Variants in RIMBP2 observed in about 807,000 individuals in gnomAD.
The protein encoded by RIMBP2 is RIMS binding protein 2, also known as RIMS-binding protein 2.
RIMBP2 carries 48 observed loss-of-function variants against 118.6 expected under a neutral mutation model. The ratio of observed to expected loss-of-function variants is 0.40; its 90% CI spans 0.32 to 0.51. RIMBP2 has a LOEUF of 0.51. Among genes scored for constraint, RIMBP2 ranks in the 20% least tolerant of loss-of-function variants. RIMBP2 has a pLI of 0.41. For missense variants in RIMBP2, 1,551 were observed against 1,768.3 expected (o/e 0.88, Z 2.20); for synonymous variants, 762 against 742.9 (o/e 1.03, Z -0.42).
At chr12:130,413,928 G>A (rs933846221) in intron 18 of RIMBP2, among the ~76,000 whole-genome samples, 197 bp downstream of exon 18, 13 of 152,190 alleles carry the variant, frequency 8.5e-5, no homozygotes. Flanking sequence ...ACACAAACCG[G>A]GCAGATGCTG....
chr12:130,605,889 C>A (rs932497613), intron 2 of RIMBP2, among the ~76,000 whole-genome samples: 2 of 152,046 alleles, frequency 1.3e-5, no homozygotes, highest in African/African-American at 4.8e-5. Context: ...CGTGGTAAAA[C>A]CCCATCTCTA....
intron 2 of RIMBP2, among the ~76,000 whole-genome samples, chr12:130,585,867 G>GC (rs1047988605): frequency 4.6e-5 from 7 of 152,196 alleles, no homozygotes; most frequent in African/African-American, 1.7e-4. Flanking sequence ...TCTTGGTCTG[G>GC]CCCCCACAGG....
At chr12:130,423,088 CT>C (rs1264987519) in intron 16 of RIMBP2, among the ~76,000 whole-genome samples, 1 of 152,216 alleles carries the variant, frequency 6.6e-6, no homozygotes, top group African/African-American at 2.4e-5. Flanking sequence ...TCTGAAAATG[CT>C]GGTAACATTC....
chr12:130,523,867 A>G lies in RIMBP2; in HGVS notation c.-216-5950T>C, dbSNP rs992970949. Among the ~76,000 whole-genome samples the G allele has an allele frequency of 5.3e-5, 8 of 152,172 alleles. No homozygotes were observed. The highest frequency in any genetic ancestry group is 1.9e-4 in the African/African-American group (8 of 41,444). On this transcript the variant is annotated intron_variant, in intron 2 of 22. Coordinates refer to ENST00000690449, the MANE Select transcript of RIMBP2 (RefSeq NM_001393629.1). The surrounding 1 kb of genome is among the most constrained non-coding windows in gnomAD (Gnocchi z 4.4). ...TGAGAGGAATTCTCGGTATCTCCTG[A>G]TACAGGTCTGGTCTCAGAGGTGGGG... is the stretch of plus-strand genomic sequence containing the variant.
intron 1 of RIMBP2, among the ~76,000 whole-genome samples, chr12:130,676,145 A>C (rs903072507): frequency 6.6e-6 from 1 of 152,204 alleles, no homozygotes; most frequent in African/African-American, 2.4e-5. Flanking sequence ...GTGAGCAACC[A>C]ATGCCTGCTA....
intron 2 of RIMBP2, among the ~76,000 whole-genome samples, chr12:130,541,939 A>T (rs1041896491): frequency 6.6e-6 from 1 of 152,188 alleles, no homozygotes; most frequent in African/African-American, 2.4e-5. Context: ...AGACCTAGCC[A>T]TTGGGCTGAG....
chr12:130,492,709 A>AGGC (rs1241435242), intron 4 of RIMBP2, among the ~76,000 whole-genome samples: 2 of 152,226 alleles, frequency 1.3e-5, no homozygotes, highest in Admixed American at 1.3e-4. Flanking sequence ...CAACACGTAC[A>AGGC]GGCTGTGTGC....
At chr12:130,575,576 G>A (rs2058033024) in intron 2 of RIMBP2, among the ~76,000 whole-genome samples, 1 of 152,180 alleles carries the variant, frequency 6.6e-6, no homozygotes, top group African/African-American at 2.4e-5. Context: ...CAACTGTCGG[G>A]CCCTGTTCTA....
chr12:130,528,618 G>A (rs1444807756), intron 2 of RIMBP2, among the ~76,000 whole-genome samples: 1 of 152,110 alleles, frequency 6.6e-6, no homozygotes, highest in Non-Finnish European at 1.5e-5. Context: ...AAATAAAAAT[G>A]TCTCTCAATA....
At chr12:130,640,178 C>T (rs2062554602) in intron 1 of RIMBP2, among the ~76,000 whole-genome samples, 1 of 152,306 alleles carries the variant, frequency 6.6e-6, no homozygotes, top group South Asian at 2.1e-4. Flanking sequence ...CTAGAACCAA[C>T]CTTGCTGCTC....
chr12:130,705,576 G>A (rs546982676), intron 1 of RIMBP2, among the ~76,000 whole-genome samples: 1 of 152,204 alleles, frequency 6.6e-6, no homozygotes, highest in Non-Finnish European at 1.5e-5. Flanking sequence ...CCTCACTAAC[G>A]AACAACTCAG....
intron 1 of RIMBP2, among the ~76,000 whole-genome samples, chr12:130,706,214 G>A (rs777148038): frequency 1.3e-4 from 20 of 152,156 alleles, no homozygotes; most frequent in Non-Finnish European, 2.4e-4. Context: ...CCCTTCTGCC[G>A]TCCCCATCTG....
chr12:130,414,162 T>G lies in RIMBP2; in HGVS notation c.3383A>C (p.Glu1128Ala). The G allele has an allele frequency of 1.2e-6, 2 of 1,614,184 alleles. No homozygotes were observed. The highest frequency in any genetic ancestry group is 2.7e-5 in the African/African-American group (2 of 75,038). The change falls in exon 18 of 23, where the codon GAG becomes GCG. Residue 1128 changes from glutamate to alanine, a missense_variant. Glu to Ala is a moderately radical substitution (Grantham distance 107). Around this residue, in one of 5 missense-constraint regions of RIMBP2, gnomAD observed 1,038 missense variants for 1,125.1 expected, o/e 0.92. Coordinates refer to ENST00000690449, the MANE Select transcript of RIMBP2 (RefSeq NM_001393629.1). ...GCCTTCTTTAAAGGGAAGCTCCTCC[T>G]CTGCAGCATCTGGGTTTGGGGACAT... Reference protein sequence around the residue: ...LTMSPNPDAAEEELPFKEGQI... With the variant: ...LTMSPNPDAAAEELPFKEGQI...
intron 1 of RIMBP2, among the ~76,000 whole-genome samples, chr12:130,635,508 G>A (rs2062297500): frequency 6.6e-6 from 1 of 152,144 alleles, no homozygotes; most frequent in Non-Finnish European, 1.5e-5. Flanking sequence ...CACCTGCCCT[G>A]TGTCTGCAGC....
At chr12:130,686,287 T>G (rs954705124) in intron 1 of RIMBP2, among the ~76,000 whole-genome samples, 16 of 152,118 alleles carry the variant, frequency 1.1e-4, no homozygotes, top group African/African-American at 3.6e-4. Context: ...AGGAGGACAA[T>G]GGGTTAAGAA....
chr12:130,665,224 G>A (rs960698366), intron 1 of RIMBP2, among the ~76,000 whole-genome samples: 9 of 151,620 alleles, frequency 5.9e-5, no homozygotes, highest in Admixed American at 4.6e-4. Flanking sequence ...GCTCCGAGAT[G>A]GAGGCAAATT....
chr12:130,700,231 C>G (rs1027514971), intron 1 of RIMBP2, among the ~76,000 whole-genome samples: 4 of 152,172 alleles, frequency 2.6e-5, no homozygotes, highest in African/African-American at 9.7e-5. Context: ...AAGACCCACA[C>G]AGCCCCAGGC....
chr12:130,431,267 C>A lies in RIMBP2; in HGVS notation c.2254-2930G>T, dbSNP rs1279395252. On this transcript the variant is annotated intron_variant, in intron 14 of 22. Coordinates refer to ENST00000690449, the MANE Select transcript of RIMBP2 (RefSeq NM_001393629.1). This position sits in a 1 kb window ranked among gnomAD's most constrained non-coding sequence, Gnocchi z 4.0. ...TGGAGGCTTCCACCCACTAGAACATCGGTGTCTTGGAGCAGATGGGATAGC... is the reference window on the plus strand; with the variant it reads ...TGGAGGCTTCCACCCACTAGAACATAGGTGTCTTGGAGCAGATGGGATAGC... Among the ~76,000 whole-genome samples the A allele has an allele frequency of 6.6e-6, 1 of 152,076 alleles. No individual in the cohort carries two copies. Among genetic ancestry groups the A allele is most frequent in the Non-Finnish European group, 1.5e-5 (1 of 68,034 alleles).
intron 1 of RIMBP2, among the ~76,000 whole-genome samples, chr12:130,648,766 C>T (rs2063098887): frequency 6.9e-6 from 1 of 143,902 alleles, no homozygotes. Flanking sequence ...AAGCGATTCT[C>T]GCTCCTCAGC....
Sources: gnomAD v4.1 joint callset for allele counts (sites outside exome capture counted in the v4.1 genomes callset) on GRCh38, gnomAD v4.1.1 for gene constraint, gnomAD v4.1.1 regional missense constraint, Gnocchi (gnomAD v3.1) non-coding constraint, MANE v1.5 for transcripts, NCBI Gene and HGNC (gene_info 2026-07-23, HGNC 2026-07-21) for gene names.